The following RPS6KA3 variants were observed in gnomAD, a reference collection of about 807,000 sequenced individuals.
RPS6KA3 encodes ribosomal protein S6 kinase alpha-3.
In RPS6KA3, 4 loss-of-function variants were observed where a neutral mutation model predicts 67.2. That is an observed-to-expected ratio of 0.06 (90% confidence interval 0.03 to 0.14). RPS6KA3 has a LOEUF of 0.14. Among genes scored for constraint, RPS6KA3 ranks in the 10% least tolerant of loss-of-function variants. RPS6KA3 has a pLI of 1.00. For missense variants in RPS6KA3, 204 were observed against 559.0 expected (o/e 0.36, Z 6.40); for synonymous variants, 182 against 183.7 (o/e 0.99, Z 0.07).
At position 20,178,481 on chromosome X, in the gene RPS6KA3, G is replaced by GTTTTTT. The variant is rs59662504; in HGVS notation, c.846-1403_846-1398dup. ...TGAGAAATCTAGAGCAAACAAATCA[G>GTTTTTT]TTTTTTTTTTTTTTTTTTTTAAGAC... On this transcript the variant is annotated intron_variant, in intron 10 of 21. Coordinates refer to ENST00000379565, the MANE Select transcript of RPS6KA3 (RefSeq NM_004586.3). Among the ~76,000 whole-genome samples, 795 of 84,358 alleles carry GTTTTTT rather than the reference G, an allele frequency of 9.4e-3. 16 individuals carry two copies. Among genetic ancestry groups the GTTTTTT allele is most frequent in the African/African-American group, 0.035 (770 of 22,123 alleles). The allele number at this position is 84,358 out of a possible 115,157, so 73.3% of individuals were successfully genotyped here. A position where few individuals can be genotyped will look rare whatever the true frequency, so the allele number is the denominator to read the frequency against.
chrX:20,162,094 T>C (rs1214260636), intron 19 of RPS6KA3, among the ~76,000 whole-genome samples: 1 of 109,643 alleles, frequency 9.1e-6, no homozygotes, highest in East Asian at 2.8e-4. Context: ...TCCCAGCACT[T>C]TGGGAGGCCG....
chrX:20,186,204 A>ATT lies in RPS6KA3; in HGVS notation c.845+91_845+92insAA, dbSNP rs2067976838. 11 of 621,865 alleles carry ATT rather than the reference A, an allele frequency of 1.8e-5. No homozygotes were observed. In the South Asian group the frequency reaches 2.3e-4, roughly 13 times the overall value. The allele number at this position is 621,865 out of a possible 1,213,427, so 51.2% of individuals were successfully genotyped here. ...TGATCCGTCTTCCTTGCCCTCCCAAAGTGCTGGGATTACAGGCATGAGCCA... is the reference window on the plus strand; with the variant it reads ...TGATCCGTCTTCCTTGCCCTCCCAAATTGTGCTGGGATTACAGGCATGAGCCA... On this transcript the variant is annotated intron_variant, in intron 10 of 21. Coordinates refer to ENST00000379565, the MANE Select transcript of RPS6KA3 (RefSeq NM_004586.3).
intron 17 of RPS6KA3, among the ~76,000 whole-genome samples, chrX:20,165,962 T>C (rs1385109897): frequency 8.9e-6 from 1 of 112,093 alleles, no homozygotes; most frequent in Non-Finnish European, 1.9e-5. Flanking sequence ...ACCTATGATA[T>C]AGTTTAATTT....
intron 2 of RPS6KA3, among the ~76,000 whole-genome samples, chrX:20,222,648 T>G (rs1340316747): frequency 1.8e-5 from 2 of 112,152 alleles, no homozygotes; most frequent in East Asian, 2.8e-4. Context: ...ATCTTTTTTT[T>G]GTCAGAAATT....
At chrX:20,196,422 G>T (rs961718064) in intron 4 of RPS6KA3, among the ~76,000 whole-genome samples, 1 of 112,282 alleles carries the variant, frequency 8.9e-6, no homozygotes, top group Non-Finnish European at 1.9e-5. Flanking sequence ...CTAGTGGGAA[G>T]GACAGACAGG....
At chrX:20,237,156 G>A (rs1191874012) in intron 1 of RPS6KA3, among the ~76,000 whole-genome samples, 1 of 111,364 alleles carries the variant, frequency 9.0e-6, no homozygotes, top group African/African-American at 3.3e-5. Context: ...GTTTTCTTAC[G>A]TCCAAAATTC....
intron 17 of RPS6KA3, among the ~76,000 whole-genome samples, 163 bp from the exon 18 acceptor site, chrX:20,165,223 T>C (rs1037437711): frequency 8.9e-6 from 1 of 111,993 alleles, no homozygotes; most frequent in Non-Finnish European, 1.9e-5. Flanking sequence ...CATAACTCTC[T>C]AACATAGACC....
rs1475141836 is a variant in RPS6KA3 at position 20,152,216 on chromosome X, G to A, written c.*3182C>T. On this transcript the variant is annotated 3_prime_UTR_variant, in exon 22 of 22. Transcript: ENST00000379565. ...CTTTTGGGGTTGCTTGTGAATAAAT[G>A]CATCCATATCAAATCTGTTAAAGTT... 1 of 111,970 alleles carries A rather than the reference G, an allele frequency of 8.9e-6. No individual in the cohort carries two copies. The allele number at this position is 111,970 out of a possible 1,213,427, so 9.2% of individuals were successfully genotyped here.
chrX:20,206,452 G>A (rs2068574915), intron 3 of RPS6KA3, among the ~76,000 whole-genome samples: 1 of 111,376 alleles, frequency 9.0e-6, no homozygotes, highest in African/African-American at 3.3e-5. Flanking sequence ...GATATTATAT[G>A]CTTGGCCTTT....
chrX:20,193,432 A>C, intron 7 of RPS6KA3, 55 bp downstream of exon 7: 1 of 726,953 alleles, frequency 1.4e-6, no homozygotes, highest in Non-Finnish European at 2.1e-6. Context: ...GATTTTTTAT[A>C]ATCTCCTAAA....
At chrX:20,218,693 G>C (rs2068917370) in intron 2 of RPS6KA3, 1 of 567,268 alleles carries the variant, frequency 1.8e-6, no homozygotes, top group South Asian at 3.1e-5. Context: ...TTTGAATTTT[G>C]AAAAGCTGCT....
At chrX:20,265,062 G>A (rs962584972) in intron 1 of RPS6KA3, among the ~76,000 whole-genome samples, 1 of 111,797 alleles carries the variant, frequency 8.9e-6, no homozygotes, top group African/African-American at 3.3e-5. Context: ...TTAAAAACAT[G>A]ATTTCCTTTC....
intron 1 of RPS6KA3, among the ~76,000 whole-genome samples, chrX:20,251,483 C>T (rs768658013): frequency 4.4e-5 from 5 of 112,922 alleles, no homozygotes; most frequent in South Asian, 7.2e-4. Context: ...GGATTATAGG[C>T]GTAAGCCACT....
intron 10 of RPS6KA3, among the ~76,000 whole-genome samples, chrX:20,180,417 T>C (rs1019052401): frequency 7.1e-5 from 8 of 112,152 alleles, no homozygotes; most frequent in African/African-American, 2.6e-4. Flanking sequence ...TCCATACTCC[T>C]AGGAAAAGAC....
intron 1 of RPS6KA3, among the ~76,000 whole-genome samples, chrX:20,260,685 T>C (rs899029706): frequency 7.2e-5 from 8 of 111,882 alleles, no homozygotes; most frequent in African/African-American, 1.3e-4. Flanking sequence ...GGATGATTCA[T>C]TGTAACTATT....
chrX:20,150,168 G>A lies in RPS6KA3; in HGVS notation c.*5230C>T, dbSNP rs1303623081. On this transcript the variant is annotated 3_prime_UTR_variant, in exon 22 of 22. Coordinates refer to ENST00000379565, the MANE Select transcript of RPS6KA3 (RefSeq NM_004586.3). ...GGCAGCAATGCCAAGCATCTGATGC[G>A]ATTTAACCACCAACAAAAGGTACAA... 6.2e-5 allele frequency: 7 copies of A among 113,368 alleles called. No homozygotes were observed. Among genetic ancestry groups the A allele is most frequent in the Non-Finnish European group, 1.3e-4 (7 of 53,348 alleles). 9.3% of individuals were successfully genotyped at this position (113,368 alleles called of 1,213,427 possible).
intron 7 of RPS6KA3, among the ~76,000 whole-genome samples, chrX:20,189,957 G>T (rs1283673322): frequency 9.0e-6 from 1 of 110,716 alleles, no homozygotes; most frequent in African/African-American, 3.3e-5. Flanking sequence ...GATTCTGCTT[G>T]ATTATGAAGA....
At chrX:20,193,080 C>T (rs1159691569) in intron 7 of RPS6KA3, among the ~76,000 whole-genome samples, 4 of 111,193 alleles carry the variant, frequency 3.6e-5, no homozygotes, top group African/African-American at 1.3e-4. Context: ...GAGTTCGAGA[C>T]CAGCCTGGCC....
At chrX:20,197,041 T>C (rs1268281834) in intron 4 of RPS6KA3, among the ~76,000 whole-genome samples, 1 of 112,176 alleles carries the variant, frequency 8.9e-6, no homozygotes, top group African/African-American at 3.2e-5. Context: ...GGTTTCACCA[T>C]GTTGGCCAGG....
Sources: allele counts gnomAD v4.1 joint callset (sites outside exome capture counted in the v4.1 genomes callset), GRCh38; gene constraint gnomAD v4.1.1; transcripts MANE v1.5; gene names NCBI Gene and HGNC (gene_info 2026-07-23, HGNC 2026-07-21).